The following LARP4 variants were observed in gnomAD, a reference collection of about 807,000 sequenced individuals.
The protein encoded by LARP4 is la-related protein 4.
Under a neutral mutation model 92.9 loss-of-function variants are expected in LARP4, and 29 were observed. The ratio of observed to expected loss-of-function variants is 0.31; its 90% CI spans 0.23 to 0.43. The LOEUF is 0.43. Among genes scored for constraint, LARP4 ranks in the 20% least tolerant of loss-of-function variants. The pLI, the probability that LARP4 is intolerant of heterozygous loss-of-function variation, is 1.00. For missense variants in LARP4, 732 were observed against 860.0 expected (o/e 0.85, Z 1.86); for synonymous variants, 279 against 284.1 (o/e 0.98, Z 0.18).
rs774548049 is a variant in LARP4, at chr12:50,426,684, G to GGGGTGTGT, written c.19-1077_19-1076insGGTGTGTG. On this transcript the variant is annotated intron_variant, in intron 1 of 15. Transcript: ENST00000398473. ...GCATGGAACAGGGCATTATGTTTGG[G>GGGGTGTGT]GTGTGTGTGTGTGTGTGTGTGTGTG... Among the ~76,000 whole-genome samples the GGGGTGTGT allele has an allele frequency of 1.4e-3, 119 of 86,178 alleles. 2 individuals carry two copies. Among genetic ancestry groups the GGGGTGTGT allele is most frequent in the Middle Eastern group, 8.9e-3 (1 of 112 alleles). The allele number at this position is 86,178 out of a possible 152,430, so 56.5% of individuals were successfully genotyped here.
intron 7 of LARP4, among the ~76,000 whole-genome samples, chr12:50,440,991 C>G (rs1184896361): frequency 1.3e-5 from 2 of 151,082 alleles, no homozygotes; most frequent in African/African-American, 2.4e-5. Context: ...TCAAGTGATT[C>G]TCCTGCCTCA....
intron 1 of LARP4, among the ~76,000 whole-genome samples, chr12:50,415,067 G>T (rs563615823): frequency 1.4e-4 from 21 of 152,244 alleles, no homozygotes; most frequent in Admixed American, 8.5e-4. Context: ...GCCCAGCATG[G>T]TGGCGCACAC....
chr12:50,461,487 A>G lies in LARP4; in HGVS notation c.1334+140A>G. 5.4e-6 allele frequency: 5 copies of G among 919,530 alleles called. No homozygotes were observed. In the South Asian group the frequency reaches 8.1e-5, roughly 15 times the overall value. 57.0% of individuals were successfully genotyped at this position (919,530 alleles called of 1,614,324 possible). A position where few individuals can be genotyped will look rare whatever the true frequency, so the allele number is the denominator to read the frequency against. ...ATTAAATAAATACGTTATTTTCAGAACATGAGTTGGTTGCTTTTTATAATT... is the reference window on the plus strand; with the variant it reads ...ATTAAATAAATACGTTATTTTCAGAGCATGAGTTGGTTGCTTTTTATAATT... On this transcript the variant is annotated intron_variant, in intron 11 of 15. Coordinates refer to ENST00000398473, the MANE Select transcript of LARP4 (RefSeq NM_052879.5).
At chr12:50,472,401 A>C (rs1376053325) in intron 13 of LARP4, among the ~76,000 whole-genome samples, 2 of 152,214 alleles carry the variant, frequency 1.3e-5, no homozygotes, top group Admixed American at 6.5e-5. Context: ...AGTAATTCAT[A>C]TAAGTAGAAT....
At chr12:50,459,898 GGAGGCCAAGGTGGGCGGTTCAC>G (rs1179237983) in intron 10 of LARP4, among the ~76,000 whole-genome samples, 2 of 151,820 alleles carry the variant, frequency 1.3e-5, no homozygotes, top group African/African-American at 4.8e-5. Flanking sequence ...CGACACTTTG[GGAGGCCAAGGTGGGCGGTTCAC>G]GAGGTCAAGA....
intron 1 of LARP4, among the ~76,000 whole-genome samples, chr12:50,416,831 G>A (rs924518930): frequency 6.6e-6 from 1 of 152,012 alleles, no homozygotes; most frequent in African/African-American, 2.4e-5. Context: ...GCAAAAATTT[G>A]CCAGGTGTGG....
chr12:50,427,138 C>G (rs1407516944), intron 1 of LARP4, among the ~76,000 whole-genome samples: 2 of 152,014 alleles, frequency 1.3e-5, no homozygotes, highest in Admixed American at 6.6e-5. Context: ...CAATATAAAG[C>G]ACATCACTGC....
At chr12:50,405,669 T>A (rs1944693074) in intron 1 of LARP4, among the ~76,000 whole-genome samples, 11 of 151,992 alleles carry the variant, frequency 7.2e-5, no homozygotes, top group Admixed American at 7.2e-4. Context: ...ATAAAAAAAA[T>A]TAAAACTAGA....
chr12:50,466,058 A>G (rs1177487037), intron 12 of LARP4, among the ~76,000 whole-genome samples: 1 of 152,194 alleles, frequency 6.6e-6, no homozygotes, highest in Non-Finnish European at 1.5e-5. Flanking sequence ...TTCCCAAGGA[A>G]AGGATGGTTA....
At chr12:50,426,685 GTGTGTGTGTGTGTGTGTGT>G (rs1188872213) in intron 1 of LARP4, among the ~76,000 whole-genome samples, 28 of 34,222 alleles carry the variant, frequency 8.2e-4, no homozygotes, top group Admixed American at 4.8e-3. Flanking sequence ...TATGTTTGGG[GTGTGTGTGTGTGTGTGTGT>G]GTGTGTGTGT....
chr12:50,474,585 G>A (rs1957343837), intron 15 of LARP4, among the ~76,000 whole-genome samples: 2 of 149,888 alleles, frequency 1.3e-5, no homozygotes, highest in Non-Finnish European at 3.0e-5. Context: ...CTGACCTCGT[G>A]ATCCACCCGC....
chr12:50,436,101 G>GGTGT (rs141076360), intron 5 of LARP4, among the ~76,000 whole-genome samples: 5,480 of 134,928 alleles, frequency 0.041, 174 homozygotes, highest in African/African-American at 0.044. Context: ...GTATCCCGCT[G>GGTGT]GTGTGTGTGT....
intron 12 of LARP4, among the ~76,000 whole-genome samples, chr12:50,464,857 A>G (rs1955932133): frequency 7.3e-6 from 1 of 137,926 alleles, no homozygotes; most frequent in Non-Finnish European, 1.6e-5. Flanking sequence ...TGCCTGGCTA[A>G]TTTTTGTATT....
At chr12:50,464,099 T>C (rs935727396) in intron 12 of LARP4, among the ~76,000 whole-genome samples, 2 of 152,218 alleles carry the variant, frequency 1.3e-5, no homozygotes, top group African/African-American at 2.4e-5. Context: ...CAGTTATCTT[T>C]ATAGCAGTGC....
At chr12:50,403,993 G>T (rs564030044) in intron 1 of LARP4, among the ~76,000 whole-genome samples, 2 of 152,114 alleles carry the variant, frequency 1.3e-5, no homozygotes, top group Non-Finnish European at 2.9e-5. Context: ...GGAGGCTGAG[G>T]TGGGTGGCAA....
At chr12:50,462,556 C>T in intron 11 of LARP4, 26 bp from the exon 12 acceptor site, 1 of 1,354,468 alleles carries the variant, frequency 7.4e-7, no homozygotes, top group Non-Finnish European at 1.0e-6. Context: ...CACCCCACCC[C>T]ACCCCCACCT....
chr12:50,465,545 G>T (rs1004277425), intron 12 of LARP4, among the ~76,000 whole-genome samples: 1 of 152,090 alleles, frequency 6.6e-6, no homozygotes, highest in Non-Finnish European at 1.5e-5. Context: ...TAAAATTTTG[G>T]ATTTGTAAGC....
intron 1 of LARP4, among the ~76,000 whole-genome samples, chr12:50,426,684 GGTGTGTGTGTGTGTGTGTGTGTGTGTGT>G (rs762987529): frequency 2.3e-5 from 2 of 86,174 alleles, no homozygotes; most frequent in East Asian, 4.2e-4. Context: ...TTATGTTTGG[GGTGTGTGTGTGTGTGTGTGTGTGTGTGT>G]GTGTGTGTGT....
chr12:50,439,864 T>C (rs1224756488), intron 6 of LARP4, among the ~76,000 whole-genome samples: 1 of 152,194 alleles, frequency 6.6e-6, no homozygotes, highest in East Asian at 1.9e-4. Flanking sequence ...TCCATATAGC[T>C]GTTGGAGTTT....
Sources: gnomAD v4.1 joint callset for allele counts (sites outside exome capture counted in the v4.1 genomes callset) on GRCh38, gnomAD v4.1.1 for gene constraint, MANE v1.5 for transcripts, NCBI Gene and HGNC (gene_info 2026-07-23, HGNC 2026-07-21) for gene names.